Variants in ABCB5 observed in about 807,000 individuals in gnomAD.
ABCB5 encodes the protein ATP binding cassette subfamily B member 5, also known as ATP-binding cassette sub-family B member 5.
Under a neutral mutation model 144.2 loss-of-function variants are expected in ABCB5, and 155 were observed. The observed-to-expected ratio is 1.08, with a 90% CI of 0.94 to 1.23. ABCB5 has a LOEUF of 1.23. ABCB5 is among the 50% of genes most tolerant of loss of function. The pLI is 0.00. For missense variants in ABCB5, 1,830 were observed against 1,520.8 expected (o/e 1.20, Z -3.38); for synonymous variants, 610 against 528.6 (o/e 1.15, Z -2.11).
chr7:20,633,620 G>A (rs6964702), intron 5 of ABCB5, among the ~76,000 whole-genome samples: 53,413 of 151,940 alleles, frequency 0.35, 9,639 homozygotes, highest in African/African-American at 0.44. Context: ...TATTGGGAAT[G>A]TTCAGTATCT....
rs141588421 is a variant in ABCB5, at chr7:20,727,199, C to T, written c.2726+59C>T. ...AATTTTGTTCTGTAAAGGCAGTACT[C>T]TCAAATGACTCCAGTGGTTTGCCTG... On this transcript the variant is annotated intron_variant, in intron 22 of 27. Transcript: ENST00000404938. 3.8e-4 allele frequency: 465 copies of T among 1,211,168 alleles called. 5 individuals carry two copies. The African/African-American group carries it at 6.5e-3, about 17-fold the overall frequency. The allele number at this position is 1,211,168 out of a possible 1,614,324, so 75.0% of individuals were successfully genotyped here.
chr7:20,641,253 T>A (rs989205204), intron 5 of ABCB5, among the ~76,000 whole-genome samples: 1 of 152,100 alleles, frequency 6.6e-6, no homozygotes, highest in Non-Finnish European at 1.5e-5. Context: ...ACCTAAGAAG[T>A]TATTCTTGAT....
intron 3 of ABCB5, 99 bp from the exon 4 acceptor site, chr7:20,628,589 C>A (rs1281325435): frequency 1.6e-6 from 2 of 1,225,280 alleles, no homozygotes; most frequent in Non-Finnish European, 2.3e-6. Flanking sequence ...GTCATGTTTA[C>A]TAGGTGGCAA....
intron 5 of ABCB5, among the ~76,000 whole-genome samples, chr7:20,639,927 T>C (rs907105564): frequency 3.3e-5 from 5 of 152,188 alleles, no homozygotes; most frequent in Admixed American, 1.3e-4. Flanking sequence ...ATTGAATCTA[T>C]AGATAAATTT....
At chr7:20,721,866 C>G (rs1781879384) in intron 20 of ABCB5, among the ~76,000 whole-genome samples, 1 of 152,122 alleles carries the variant, frequency 6.6e-6, no homozygotes, top group Admixed American at 6.6e-5. Context: ...GCATTCTCTT[C>G]CTTTTTACTC....
At chr7:20,704,378 G>A (rs912549248) in intron 19 of ABCB5, among the ~76,000 whole-genome samples, 3 of 151,898 alleles carry the variant, frequency 2.0e-5, no homozygotes, top group Non-Finnish European at 2.9e-5. Context: ...GGCCTTCATC[G>A]CCTTACTTTT....
At chr7:20,650,284 C>T in intron 12 of ABCB5, 137 bp downstream of exon 12, 2 of 1,161,400 alleles carry the variant, frequency 1.7e-6, no homozygotes, top group Non-Finnish European at 2.3e-6. Flanking sequence ...CCTTTGTATC[C>T]ATTCACTCAG....
At chr7:20,672,183 G>C (rs547493789) in intron 14 of ABCB5, among the ~76,000 whole-genome samples, 1 of 152,174 alleles carries the variant, frequency 6.6e-6, no homozygotes, top group Non-Finnish European at 1.5e-5. Context: ...TGGGTTTTGA[G>C]AATTCTTTAT....
rs1783093986 is a variant in ABCB5 at position 20,756,560 on chromosome 7, T to A, written c.*936T>A. The A allele has an allele frequency of 6.6e-6, 1 of 152,018 alleles. No homozygotes were observed. The highest frequency in any genetic ancestry group is 6.6e-5 in the Admixed American group (1 of 15,260). The allele number at this position is 152,018 out of a possible 1,614,324, so 9.4% of individuals were successfully genotyped here. ...TGGGAGGCTGAGGCAGGAGAATCAT[T>A]TGAACCTAGGAGGCAGAGGTTGCAG... On this transcript the variant is annotated 3_prime_UTR_variant, in exon 28 of 28. Coordinates refer to ENST00000404938, the MANE Select transcript of ABCB5 (RefSeq NM_001163941.2).
At chr7:20,746,875 A>G (rs146949405) in intron 26 of ABCB5, among the ~76,000 whole-genome samples, 13 of 152,350 alleles carry the variant, frequency 8.5e-5, no homozygotes, top group Non-Finnish European at 1.8e-4. Context: ...CTAAGTTTCT[A>G]TCTCACTTTA....
At chr7:20,630,922 A>G (rs1480507583) in intron 4 of ABCB5, among the ~76,000 whole-genome samples, 2 of 152,222 alleles carry the variant, frequency 1.3e-5, no homozygotes, top group Non-Finnish European at 2.9e-5. Context: ...GAGAAGTTCA[A>G]TAATGATTTA....
intron 4 of ABCB5, among the ~76,000 whole-genome samples, chr7:20,631,198 C>T (rs966399875): frequency 6.6e-6 from 1 of 152,052 alleles, no homozygotes; most frequent in African/African-American, 2.4e-5. Flanking sequence ...CTGCAGGAAC[C>T]ATTTTTAGAA....
At position 20,682,528 on chromosome 7, in the gene ABCB5, C is replaced by T. The variant is rs148272607; in HGVS notation, c.1869+862C>T. On this transcript the variant is annotated intron_variant, in intron 15 of 27. Coordinates refer to ENST00000404938, the MANE Select transcript of ABCB5 (RefSeq NM_001163941.2). ...TAGAGGTAAGAAGGAACTTGGTGTGCGACTGAAACAAAAAGGAGGTAGCTT... is the reference window on the plus strand; with the variant it reads ...TAGAGGTAAGAAGGAACTTGGTGTGTGACTGAAACAAAAAGGAGGTAGCTT... Among the ~76,000 whole-genome samples, 296 of 151,908 alleles carry T rather than the reference C, an allele frequency of 1.9e-3. 3 individuals are homozygous for T. Among genetic ancestry groups the T allele is most frequent in the African/African-American group, 6.5e-3 (269 of 41,400 alleles).
chr7:20,745,421 A>C lies in ABCB5; in HGVS notation c.3412A>C (p.Ile1138Leu), dbSNP rs771116956. ...AANAANIHSF[I>L]EGLPEKYNTQ... Reference sequence around the variant, plus strand: ...AAATGCAGCAAATATCCATTCTTTTATTGAAGGTCTCCCTGAGGTAAGAAA... The same window carrying C: ...AAATGCAGCAAATATCCATTCTTTTCTTGAAGGTCTCCCTGAGGTAAGAAA... The change falls in exon 26 of 28, where the codon ATT (isoleucine) becomes CTT (leucine). Residue 1138 changes from isoleucine to leucine, a missense_variant. By Grantham distance (5) the Ile-to-Leu change is conservative. Transcript: ENST00000404938. 2.5e-6 allele frequency: 4 copies of C among 1,614,080 alleles called. No individual in the cohort carries two copies. Among genetic ancestry groups the C allele is most frequent in the African/African-American group, 2.7e-5 (2 of 74,938 alleles).
At chr7:20,699,352 C>A (rs959785353) in intron 17 of ABCB5, among the ~76,000 whole-genome samples, 3 of 152,090 alleles carry the variant, frequency 2.0e-5, no homozygotes, top group African/African-American at 7.2e-5. Context: ...CAGATGATAG[C>A]ATCATGGTGC....
intron 19 of ABCB5, among the ~76,000 whole-genome samples, chr7:20,702,762 C>G (rs555401198): frequency 6.7e-5 from 10 of 149,906 alleles, no homozygotes; most frequent in Non-Finnish European, 1.2e-4. Flanking sequence ...CCAGGGTTCA[C>G]GCCATTCTCA....
rs1783056191 is a variant in ABCB5 at position 20,755,410 on chromosome 7, G to A, written c.3577-17G>A. ...ATCTAACTCAAACTGGTGATCACAGGTCTTTCTCTCTTCCAGGTGGTTCAG... is the reference window on the plus strand; with the variant it reads ...ATCTAACTCAAACTGGTGATCACAGATCTTTCTCTCTTCCAGGTGGTTCAG... On this transcript the variant is annotated splice_polypyrimidine_tract_variant and intron_variant, in intron 27 of 27. Coordinates refer to ENST00000404938, the MANE Select transcript of ABCB5 (RefSeq NM_001163941.2). The A allele has an allele frequency of 6.2e-7, 1 of 1,612,824 alleles. No individual in the cohort carries two copies.
At chr7:20,626,135 C>T (rs1482500809) in intron 2 of ABCB5, among the ~76,000 whole-genome samples, 4 of 152,118 alleles carry the variant, frequency 2.6e-5, no homozygotes, top group Non-Finnish European at 5.9e-5. Flanking sequence ...CAAAATAGAA[C>T]CGCGGTTGCC....
intron 16 of ABCB5, among the ~76,000 whole-genome samples, chr7:20,690,665 T>C (rs971005885): frequency 1.3e-5 from 2 of 152,116 alleles, no homozygotes; most frequent in African/African-American, 2.4e-5. Context: ...ATGAACTTGA[T>C]TGGTCTCACT....
Sources: gnomAD v4.1 joint callset for allele counts (sites outside exome capture counted in the v4.1 genomes callset) on GRCh38, gnomAD v4.1.1 for gene constraint, MANE v1.5 for transcripts, NCBI Gene and HGNC (gene_info 2026-07-23, HGNC 2026-07-21) for gene names.